Variants in LAMB3 observed in about 807,000 individuals in gnomAD.
LAMB3 encodes laminin subunit beta-3.
In LAMB3, 104 loss-of-function variants were observed where a neutral mutation model predicts 140.3. The ratio of observed to expected loss-of-function variants is 0.74; its 90% CI spans 0.63 to 0.87. The LOEUF (loss-of-function observed/expected upper bound fraction) is 0.87, where lower values mean the gene tolerates loss of function less well. Ranked by LOEUF, LAMB3 falls within the 40% of genes least tolerant of loss-of-function variation. The pLI is 0.00. For missense variants in LAMB3, 1,531 were observed against 1,575.2 expected, an observed-to-expected ratio of 0.97 and a Z score of 0.47; for synonymous variants, 592 against 602.9, an observed-to-expected ratio of 0.98 and a Z score of 0.26.
At chr1:209,637,871 C>A (rs1196823807) in intron 5 of LAMB3, 37 bp downstream of exon 5, 1 of 1,554,336 alleles carries the variant, frequency 6.4e-7, no homozygotes, top group Non-Finnish European at 8.8e-7. Context: ...GGCCCAGGAG[C>A]CCCTCTCCTA....
Position 209,638,751 on chromosome 1 carries a change from T to G in LAMB3, c.184-103A>C, listed in dbSNP as rs1263148385. On this transcript the variant is annotated intron_variant, in intron 3 of 22. Transcript: ENST00000356082. ...TATCTCCTCTGTGGAAATCCTGCCC[T>G]TAGGAATCACTAATTTTATTAATAC... The G allele has an allele frequency of 1.8e-5, 13 of 738,784 alleles. No individual in the cohort carries two copies. The Admixed American group carries it at 2.6e-4, about 15-fold the overall frequency. 45.8% of individuals were successfully genotyped at this position (738,784 alleles called of 1,614,324 possible). A position where few individuals can be genotyped will look rare whatever the true frequency, so the allele number is the denominator to read the frequency against.
intron 14 of LAMB3, among the ~76,000 whole-genome samples, 159 bp from the exon 15 acceptor site, chr1:209,624,159 A>G (rs1410394370): frequency 1.3e-5 from 2 of 152,204 alleles, no homozygotes; most frequent in African/African-American, 4.8e-5. Context: ...GTTCCGCTGG[A>G]CAGAGGCTTG....
rs184108671 is a variant in LAMB3, at chr1:209,623,852, C to T, written c.2125G>A (p.Ala709Thr). The T allele has an allele frequency of 6.2e-7, 1 of 1,614,102 alleles. No homozygotes were observed. Among genetic ancestry groups the T allele is most frequent in the East Asian group, 2.2e-5 (1 of 44,886 alleles). The change falls in exon 15 of 23, where the codon GCT (alanine) becomes ACT (threonine). Residue 709 changes from alanine to threonine, a missense_variant. By Grantham distance (58) the Ala-to-Thr change is moderately conservative. Coordinates refer to ENST00000356082, the MANE Select transcript of LAMB3 (RefSeq NM_000228.3). The surrounding 1 kb of genome is among the most constrained non-coding windows in gnomAD (Gnocchi z 4.2). ...CCCCTCTCCTCACCTGAAGGATCAG[C>T]ACTGCTTATTTTTTCAAACTGCTCC... is the stretch of plus-strand genomic sequence containing the variant. The part of the protein sequence containing the change: ...KREQFEKISS[A>T]DPSGAFRMLS...
rs1001666897 is a variant in LAMB3, at chr1:209,626,068, A to T, written c.1598-42T>A. The T allele has an allele frequency of 1.9e-6, 3 of 1,601,042 alleles. No homozygotes were observed. The African/African-American group carries it at 4.0e-5, about 21-fold the overall frequency. On this transcript the variant is annotated intron_variant, in intron 13 of 22. Transcript: ENST00000356082. ...TGACAGTCAGAGACAGGGGTCAGGG[A>T]GACAGAAGCAGCTGTCAGGGAGAGC...
At chr1:209,618,328 T>A in intron 19 of LAMB3, 124 bp downstream of exon 19, 1 of 1,017,028 alleles carries the variant, frequency 9.8e-7, no homozygotes, top group Non-Finnish European at 1.5e-6. Context: ...TGTACCACTC[T>A]CCACCATGGT....
At chr1:209,633,564 A>G (rs72758556) in intron 6 of LAMB3, among the ~76,000 whole-genome samples, 1 of 111,020 alleles carries the variant, frequency 9.0e-6, no homozygotes, top group Non-Finnish European at 2.0e-5. Flanking sequence ...GATTTATTCA[A>G]AAAAAAAAAA....
At position 209,615,353 on chromosome 1, in the gene LAMB3, T is replaced by C; in HGVS notation, c.3437A>G (p.Asp1146Gly). The change falls in exon 23 of 23, where the codon GAC (aspartate) becomes GGC (glycine). Residue 1146 changes from aspartate (D) to glycine (G), a missense_variant. By Grantham distance (94) the Asp-to-Gly change is moderately conservative. Transcript: ENST00000356082. ...GSQAIMLRSA[D>G]LTGLEKRVEQ... Reference sequence around the variant, plus strand: ...CACACGCTTCTCCAGTCCTGTCAGGTCCGCTGAGCGCAGCATGATGGCCTG... The same window carrying C: ...CACACGCTTCTCCAGTCCTGTCAGGCCCGCTGAGCGCAGCATGATGGCCTG... The C allele has an allele frequency of 6.2e-7, 1 of 1,613,628 alleles. No homozygotes were observed. The highest frequency in any genetic ancestry group is 8.5e-7 in the Non-Finnish European group (1 of 1,179,736).
Position 209,623,787 on chromosome 1 carries a change from G to A in LAMB3, c.2137+53C>T. 4 of 1,612,472 alleles carry A rather than the reference G, an allele frequency of 2.5e-6. No individual in the cohort carries two copies. Among genetic ancestry groups the A allele is most frequent in the East Asian group, 4.5e-5 (2 of 44,882 alleles). On this transcript the variant is annotated intron_variant, in intron 15 of 22. Transcript: ENST00000356082. The surrounding 1 kb of genome is among the most constrained non-coding windows in gnomAD (Gnocchi z 4.2). ...GAGCAGGAGGGAGAGGGGGTGGCAT[G>A]CCCACCACGGCAGTGCCCATGCCCG...
rs1666941770 is a variant in LAMB3, at chr1:209,637,847, C to A, written c.372+61G>T. 3 of 1,347,032 alleles carry A rather than the reference C, an allele frequency of 2.2e-6. No individual in the cohort carries two copies. In the East Asian group the frequency reaches 7.2e-5, roughly 32 times the overall value. 83.4% of individuals were successfully genotyped at this position (1,347,032 alleles called of 1,614,324 possible). The stretch of plus-strand genomic sequence containing the variant: ...ACAAGGACACTGTGCTCCTCCATGG[C>A]TCCACGCCCACATGGCCCAGGAGCC... On this transcript the variant is annotated intron_variant, in intron 5 of 22. Coordinates refer to ENST00000356082, the MANE Select transcript of LAMB3 (RefSeq NM_000228.3).
chr1:209,634,704 G>T, intron 5 of LAMB3, 66 bp from the exon 6 acceptor site: 2 of 1,336,886 alleles, frequency 1.5e-6, no homozygotes, highest in Non-Finnish European at 2.1e-6. Flanking sequence ...GACACAAGCA[G>T]AGAGACAGGC....
chr1:209,648,563 T>C (rs1054037056), intron 3 of LAMB3, among the ~76,000 whole-genome samples: 2 of 152,200 alleles, frequency 1.3e-5, no homozygotes, highest in Admixed American at 6.5e-5. Flanking sequence ...AAGGGGCTAC[T>C]TAGGAGCAGA....
rs780440472 is a variant in LAMB3 at position 209,618,614 on chromosome 1, A to G, written c.2747T>C (p.Val916Ala). The G allele has an allele frequency of 1.5e-5, 24 of 1,614,246 alleles. No homozygotes were observed. The highest frequency in any genetic ancestry group is 1.6e-4 in the Middle Eastern group (1 of 6,062). The change falls in exon 19 of 23, where the codon GTG becomes GCG. Residue 916 changes from valine (V) to alanine (A), a missense_variant. By Grantham distance (64) the Val-to-Ala change is moderately conservative. Transcript: ENST00000356082. ...GTCTGTGGGCAGCCACAGGGCCAGC[A>G]CGGCCTCGCTGACCTCCTGGATAGT... ...AATIQEVSEA[V>A]LALWLPTDSA... is the part of the protein sequence containing the mutation.
At chr1:209,636,219 C>T (rs1254562110) in intron 5 of LAMB3, among the ~76,000 whole-genome samples, 2 of 152,170 alleles carry the variant, frequency 1.3e-5, no homozygotes, top group South Asian at 2.1e-4. Flanking sequence ...ACCGTTCTCA[C>T]TGTTAAAGTA....
Position 209,622,627 on chromosome 1 carries a change from C to T in LAMB3, c.2610G>A (p.Leu870=). 6.2e-7 allele frequency: 1 copy of T among 1,614,182 alleles called. No individual in the cohort carries two copies. Among genetic ancestry groups the T allele is most frequent in the South Asian group, 1.1e-5 (1 of 91,090 alleles). Residue 870 remains leucine (L), a synonymous_variant, in exon 18 of 23, where the codon TTG becomes TTA. Coordinates refer to ENST00000356082, the MANE Select transcript of LAMB3 (RefSeq NM_000228.3). ...AGCGGCTGGCGCTCACCTGGGTCTC[C>T]AAGCGCTGGGCACTGGATTGAATCT... ...ASQIQSSAQR[L]ETQVSASRSQ...
chr1:209,632,905 T>C (rs1363747067), intron 7 of LAMB3, 129 bp from the exon 8 acceptor site: 2 of 1,056,422 alleles, frequency 1.9e-6, no homozygotes, highest in African/African-American at 3.1e-5. Flanking sequence ...AACCATCCCA[T>C]AGCATCCCAC....
Position 209,622,769 on chromosome 1 carries a change from A to G in LAMB3, c.2557-89T>C, listed in dbSNP as rs954173858. On this transcript the variant is annotated intron_variant, in intron 17 of 22. Coordinates refer to ENST00000356082, the MANE Select transcript of LAMB3 (RefSeq NM_000228.3). ...GATTCTGCGGATCATCCTCTATGCCAAGACCTACCTAGGAAGCATTTGTAA... is the reference window on the plus strand; with the variant it reads ...GATTCTGCGGATCATCCTCTATGCCGAGACCTACCTAGGAAGCATTTGTAA... 3.2e-6 allele frequency: 5 copies of G among 1,550,666 alleles called. No individual in the cohort carries two copies. In the South Asian group the frequency reaches 5.6e-5, roughly 17 times the overall value.
At position 209,627,566 on chromosome 1, in the gene LAMB3, G is replaced by A. The variant is rs781740513; in HGVS notation, c.1302C>T (p.Asn434=). 12 of 1,614,034 alleles carry A rather than the reference G, an allele frequency of 7.4e-6. No individual in the cohort carries two copies. The highest frequency in any genetic ancestry group is 1.0e-5 in the Non-Finnish European group (12 of 1,180,008). Residue 434 remains asparagine, a synonymous_variant, in exon 12 of 23, where the codon AAC becomes AAT. Transcript: ENST00000356082. ...NPQGCHRCDC[N]ILGSRRDMPC... is the part of the protein sequence containing the mutation. ...GCATGTCCCTCCGGGACCCCAGGAT[G>A]TTGCAGTCACAGCCTGCAGGAGGAG...
At position 209,623,300 on chromosome 1, in the gene LAMB3, G is replaced by C; in HGVS notation, c.2359-121C>G. 9.0e-7 allele frequency: 1 copy of C among 1,111,952 alleles called. No homozygotes were observed. The highest frequency in any genetic ancestry group is 1.3e-6 in the Non-Finnish European group (1 of 743,036). The allele number at this position is 1,111,952 out of a possible 1,614,324, so 68.9% of individuals were successfully genotyped here. A position where few individuals can be genotyped will look rare whatever the true frequency, so the allele number is the denominator to read the frequency against. ...GACAACCAAGCACCAGAAACAGCCA[G>C]ACATCTCCATGAGAGCTAAGGACCA... On this transcript the variant is annotated intron_variant, in intron 16 of 22. Transcript: ENST00000356082. This position sits in a 1 kb window ranked among gnomAD's most constrained non-coding sequence, Gnocchi z 4.2.
intron 3 of LAMB3, among the ~76,000 whole-genome samples, chr1:209,644,546 T>C (rs1198387524): frequency 6.6e-6 from 1 of 152,118 alleles, no homozygotes; most frequent in East Asian, 1.9e-4. Flanking sequence ...TAGCAAGGGA[T>C]GAAGCACAGA....
Sources: allele counts gnomAD v4.1 joint callset (sites outside exome capture counted in the v4.1 genomes callset), GRCh38; gene constraint gnomAD v4.1.1; non-coding constraint Gnocchi (gnomAD v3.1); transcripts MANE v1.5; gene names NCBI Gene and HGNC (gene_info 2026-07-23, HGNC 2026-07-21).